FOXN4: variants seen among roughly 807,000 people sequenced by gnomAD.
FOXN4 encodes the protein forkhead box N4, also known as forkhead box protein N4.
A neutral mutation model predicts 45.0 loss-of-function variants in FOXN4; 12 were observed. The ratio of observed to expected loss-of-function variants is 0.27; its 90% confidence interval spans 0.17 to 0.43. FOXN4 has a LOEUF of 0.43. FOXN4 is among the 20% of genes least tolerant of loss of function. The pLI, the probability that FOXN4 is intolerant of heterozygous loss-of-function variation, is 1.00. For synonymous variants in FOXN4, 297 were observed against 295.0 expected (o/e 1.01, Z -0.07); for missense variants, 560 against 694.9 (o/e 0.81, Z 2.18).
At chr12:109,302,378 A>G (rs1333875328) in intron 2 of FOXN4, among the ~76,000 whole-genome samples, 1 of 152,242 alleles carries the variant, frequency 6.6e-6, no homozygotes, top group South Asian at 2.1e-4. Context: ...TGAAGTCCAG[A>G]GACCACAATT....
rs375543313 is a variant in FOXN4, at chr12:109,279,731, G to A, written c.1494C>T (p.Gly498=). ...CCAGGTACTGGGAGGAGGAGCTGGT[G>A]CCCGATGCAGCCACACTGTCCGGAG... is the stretch of plus-strand genomic sequence containing the variant. The part of the protein sequence containing the change: ...YSTPDSVAAS[G]TSSSSQYLGA... The change falls in exon 10 of 10, where the codon GGC becomes GGT. Residue 498 remains glycine (G), a synonymous_variant. Coordinates refer to ENST00000299162, the MANE Select transcript of FOXN4 (RefSeq NM_213596.3). The A allele has an allele frequency of 2.1e-4, 329 of 1,578,036 alleles. No individual in the cohort carries two copies. The highest frequency in any genetic ancestry group is 2.7e-4 in the Non-Finnish European group (309 of 1,162,508).
chr12:109,278,188 G>GA lies in FOXN4; in HGVS notation c.*1482dup, dbSNP rs1422635672. 1 of 152,266 alleles carries GA rather than the reference G, an allele frequency of 6.6e-6. No homozygotes were observed. Among genetic ancestry groups the GA allele is most frequent in the Non-Finnish European group, 1.5e-5 (1 of 68,062 alleles). The allele number at this position is 152,266 out of a possible 1,614,324, so 9.4% of individuals were successfully genotyped here. A position where few individuals can be genotyped will look rare whatever the true frequency, so the allele number is the denominator to read the frequency against. On this transcript the variant is annotated 3_prime_UTR_variant, in exon 10 of 10. Transcript: ENST00000299162. The stretch of plus-strand genomic sequence containing the variant: ...ACTCGGTAGAAAGTTCCAGAACTGG[G>GA]AAAAACTTAAAGCTCGCCCTTCAAG...
At chr12:109,293,979 A>G (rs12422904) in intron 2 of FOXN4, among the ~76,000 whole-genome samples, 40,637 of 152,044 alleles carry the variant, frequency 0.27, 5,805 homozygotes, top group Admixed American at 0.38. Context: ...AGTAAAAGCA[A>G]AATCCCTTTG....
At position 109,287,994 on chromosome 12, in the gene FOXN4, G is replaced by C. The variant is rs1263036379; in HGVS notation, c.358-40C>G. 2.6e-6 allele frequency: 4 copies of C among 1,549,480 alleles called. No homozygotes were observed. Among genetic ancestry groups the C allele is most frequent in the African/African-American group, 1.4e-5 (1 of 73,044 alleles). ...GAGGAGGAGACAGAGGGTCACGGTGGGGGTAGACACCCAGTCTGGAGGGCA... is the reference window on the plus strand; with the variant it reads ...GAGGAGGAGACAGAGGGTCACGGTGCGGGTAGACACCCAGTCTGGAGGGCA... On this transcript the variant is annotated intron_variant, in intron 4 of 9. Coordinates refer to ENST00000299162, the MANE Select transcript of FOXN4 (RefSeq NM_213596.3). This position sits in a 1 kb window ranked among gnomAD's most constrained non-coding sequence, Gnocchi z 4.1.
chr12:109,296,687 C>A (rs139310723), intron 2 of FOXN4, among the ~76,000 whole-genome samples: 10 of 152,296 alleles, frequency 6.6e-5, no homozygotes, highest in Non-Finnish European at 1.3e-4. Context: ...AGCAAGGACC[C>A]TCATGCCCCC....
chr12:109,284,935 G>A (rs1414837012), intron 8 of FOXN4, among the ~76,000 whole-genome samples: 2 of 144,364 alleles, frequency 1.4e-5, no homozygotes, highest in African/African-American at 5.2e-5. Flanking sequence ...CGTGCTGCAA[G>A]CTGTCTGGGC....
At chr12:109,307,566 T>G (rs2047933086) in intron 2 of FOXN4, among the ~76,000 whole-genome samples, 1 of 152,166 alleles carries the variant, frequency 6.6e-6, no homozygotes, top group Non-Finnish European at 1.5e-5. Flanking sequence ...CCTAAAGGCC[T>G]TTTTGGCTAT....
chr12:109,285,139 T>G, intron 8 of FOXN4, 165 bp downstream of exon 8: 27 of 289,574 alleles, frequency 9.3e-5, no homozygotes, highest in Non-Finnish European at 1.4e-4. Context: ...TGCGTGTGCG[T>G]GTATTTGTGT....
intron 7 of FOXN4, among the ~76,000 whole-genome samples, chr12:109,286,356 T>C (rs955595878): frequency 6.6e-6 from 1 of 152,170 alleles, no homozygotes; most frequent in Non-Finnish European, 1.5e-5. Context: ...ATTCTGTTGT[T>C]TTGCATCATT....
chr12:109,290,217 C>T lies in FOXN4; in HGVS notation c.156G>A (p.Val52=), dbSNP rs758131613. The change falls in exon 3 of 10, where the codon GTG becomes GTA. Residue 52 remains valine, a synonymous_variant. Coordinates refer to ENST00000299162, the MANE Select transcript of FOXN4 (RefSeq NM_213596.3). The surrounding 1 kb of genome is among the most constrained non-coding windows in gnomAD (Gnocchi z 5.1). ...CCATCTGCTGCAGCCGAGGCACATCCACCGCCGTGAGCCACGACAGCGACT... is the reference window on the plus strand; with the variant it reads ...CCATCTGCTGCAGCCGAGGCACATCTACCGCCGTGAGCCACGACAGCGACT... ...DLQSLSWLTA[V]DVPRLQQMAS... 78 of 1,551,482 alleles carry T rather than the reference C, an allele frequency of 5.0e-5. No individual in the cohort carries two copies. Among genetic ancestry groups the T allele is most frequent in the Non-Finnish European group, 6.4e-5 (73 of 1,146,948 alleles).
At chr12:109,292,669 G>A (rs1239983970) in intron 2 of FOXN4, among the ~76,000 whole-genome samples, 1 of 152,168 alleles carries the variant, frequency 6.6e-6, no homozygotes, top group Admixed American at 6.5e-5. Context: ...ATATCCACCA[G>A]GTCGCCAGGG....
intron 8 of FOXN4, among the ~76,000 whole-genome samples, chr12:109,284,630 T>C (rs571359437): frequency 2.0e-5 from 3 of 151,346 alleles, no homozygotes; most frequent in Admixed American, 6.6e-5. Flanking sequence ...CATGCTCTAG[T>C]AGATGGTGGC....
At chr12:109,304,295 G>GAAA (rs1555244325) in intron 2 of FOXN4, among the ~76,000 whole-genome samples, 1,773 of 39,980 alleles carry the variant, frequency 0.044, 148 homozygotes, top group African/African-American at 0.11. Context: ...AAGAAAGAAA[G>GAAA]GAGAAAGAAA....
intron 8 of FOXN4, among the ~76,000 whole-genome samples, chr12:109,284,654 T>A (rs2047686330): frequency 6.6e-6 from 1 of 151,654 alleles, no homozygotes; most frequent in Non-Finnish European, 1.5e-5. Context: ...GTCCTTCCTC[T>A]TCCACGTGTG....
At chr12:109,286,840 A>G in intron 6 of FOXN4, 96 bp from the exon 7 acceptor site, 1 of 1,478,692 alleles carries the variant, frequency 6.8e-7, no homozygotes, top group Non-Finnish European at 8.9e-7. Context: ...CGCCTCTGCC[A>G]GGAAGCCTGC....
chr12:109,294,589 C>T (rs892211605), intron 2 of FOXN4, among the ~76,000 whole-genome samples: 2 of 152,224 alleles, frequency 1.3e-5, no homozygotes, highest in East Asian at 1.9e-4. Flanking sequence ...GCACCCTGGA[C>T]ACCTGCAGTG....
rs941688521 is a variant in FOXN4 at position 109,296,539 on chromosome 12, C to T, written c.87-6253G>A. Among the ~76,000 whole-genome samples the T allele has an allele frequency of 2.0e-5, 3 of 152,212 alleles. No individual in the cohort carries two copies. In the South Asian group the frequency reaches 6.2e-4, roughly 32 times the overall value. Reference sequence around the variant, plus strand: ...GGCCACAATTTTCTTCTGAGCCCAACTGGTGGCCCCAGGGAGGGTAGGGGC... The same window carrying T: ...GGCCACAATTTTCTTCTGAGCCCAATTGGTGGCCCCAGGGAGGGTAGGGGC... On this transcript the variant is annotated intron_variant, in intron 2 of 9. Coordinates refer to ENST00000299162, the MANE Select transcript of FOXN4 (RefSeq NM_213596.3).
intron 8 of FOXN4, among the ~76,000 whole-genome samples, chr12:109,284,216 G>A (rs760301567): frequency 5.3e-5 from 8 of 152,224 alleles, no homozygotes; most frequent in Non-Finnish European, 7.3e-5. Flanking sequence ...AAGAAACTAT[G>A]GATGACAAGT....
intron 2 of FOXN4, among the ~76,000 whole-genome samples, chr12:109,293,728 C>T (rs2047791310): frequency 6.6e-6 from 1 of 152,198 alleles, no homozygotes; most frequent in Non-Finnish European, 1.5e-5. Context: ...GAACTTCTGA[C>T]CTTGTGATCC....
Sources: gnomAD v4.1 joint callset for allele counts (sites outside exome capture counted in the v4.1 genomes callset) on GRCh38, gnomAD v4.1.1 for gene constraint, Gnocchi (gnomAD v3.1) non-coding constraint, MANE v1.5 for transcripts, NCBI Gene and HGNC (gene_info 2026-07-23, HGNC 2026-07-21) for gene names.